KCTD8: variants seen among roughly 807,000 people sequenced by gnomAD.
KCTD8 encodes potassium channel tetramerization domain containing 8.
In KCTD8, 27 loss-of-function variants were observed where a neutral mutation model predicts 31.5. The observed-to-expected ratio is 0.86, with a 90% CI of 0.63 to 1.18. KCTD8 has a LOEUF of 1.18. KCTD8 is among the 50% of genes most tolerant of loss of function. The probability of loss-of-function intolerance (pLI) is 0.00; values close to 1 mark genes in which losing one functional copy is unlikely to be tolerated. For missense variants in KCTD8, 658 were observed against 647.7 expected, an observed-to-expected ratio of 1.02 and a Z score of -0.17; for synonymous variants, 290 against 280.0, an observed-to-expected ratio of 1.04 and a Z score of -0.36.
chr4:44,397,417 T>G (rs1407671031), intron 1 of KCTD8, among the ~76,000 whole-genome samples: 1 of 152,130 alleles, frequency 6.6e-6, no homozygotes, highest in East Asian at 1.9e-4. Flanking sequence ...AGATAGAAAG[T>G]GTTTGTGTAT....
intron 1 of KCTD8, among the ~76,000 whole-genome samples, chr4:44,319,929 TG>T (rs1247739009): frequency 6.6e-6 from 1 of 151,920 alleles, no homozygotes; most frequent in African/African-American, 2.4e-5. Flanking sequence ...CCCAGCACGT[TG>T]GGAGGCCAAG....
intron 1 of KCTD8, among the ~76,000 whole-genome samples, chr4:44,194,108 A>T (rs1218328871): frequency 6.6e-6 from 1 of 152,138 alleles, no homozygotes; most frequent in Non-Finnish European, 1.5e-5. Flanking sequence ...GTATGAGAAG[A>T]TACATTTAAG....
At chr4:44,436,220 G>A (rs1446779753) in intron 1 of KCTD8, among the ~76,000 whole-genome samples, 2 of 152,038 alleles carry the variant, frequency 1.3e-5, no homozygotes, top group Non-Finnish European at 2.9e-5. Context: ...ATATAGTCAT[G>A]GTCGAGTCAA....
At chr4:44,351,662 G>A (rs928119396) in intron 1 of KCTD8, among the ~76,000 whole-genome samples, 1 of 152,006 alleles carries the variant, frequency 6.6e-6, no homozygotes, top group Non-Finnish European at 1.5e-5. Context: ...CAACAATCTA[G>A]AAAATATCTT....
At chr4:44,251,735 T>C (rs1715840920) in intron 1 of KCTD8, among the ~76,000 whole-genome samples, 1 of 151,524 alleles carries the variant, frequency 6.6e-6, no homozygotes, top group Non-Finnish European at 1.5e-5. Flanking sequence ...TTATAGGTCT[T>C]GGAAGGTAAC....
intron 1 of KCTD8, among the ~76,000 whole-genome samples, chr4:44,277,281 T>G (rs1462675590): frequency 6.6e-6 from 1 of 151,800 alleles, no homozygotes; most frequent in Non-Finnish European, 1.5e-5. Context: ...TATATGAATA[T>G]CTCAAGCTTT....
intron 1 of KCTD8, among the ~76,000 whole-genome samples, chr4:44,349,476 G>A (rs547372685): frequency 2.6e-4 from 40 of 152,236 alleles, no homozygotes; most frequent in African/African-American, 7.0e-4. Flanking sequence ...CACCCTTGCC[G>A]TGTTCTGTCT....
intron 1 of KCTD8, among the ~76,000 whole-genome samples, chr4:44,206,551 C>G (rs1714314521): frequency 6.6e-6 from 1 of 152,072 alleles, no homozygotes; most frequent in Non-Finnish European, 1.5e-5. Flanking sequence ...ATCCAGTGAC[C>G]CAAGGGCTGC....
chr4:44,438,935 T>C (rs1004022337), intron 1 of KCTD8, among the ~76,000 whole-genome samples: 49 of 152,194 alleles, frequency 3.2e-4, no homozygotes, highest in Non-Finnish European at 7.4e-5. Context: ...AATACAATTG[T>C]TTCTCTCACT....
chr4:44,447,927 G>C lies in KCTD8; in HGVS notation c.597C>G (p.Gly199=). ...AGCCCGAGCGCTTGTCCTGCGCGCC[G>C]CCGCCGCCGCCACCACCGTGCGCTC... ...GPGAHGGGGG[G]GAQDKRSGFL... The change falls in exon 1 of 2, where the codon GGC becomes GGG. Residue 199 remains glycine (G), a synonymous_variant. Coordinates refer to ENST00000360029, the MANE Select transcript of KCTD8 (RefSeq NM_198353.3). 2 of 1,421,322 alleles carry C rather than the reference G, an allele frequency of 1.4e-6. No homozygotes were observed. Among genetic ancestry groups the C allele is most frequent in the Non-Finnish European group, 1.8e-6 (2 of 1,086,996 alleles). The allele number at this position is 1,421,322 out of a possible 1,614,324, so 88.0% of individuals were successfully genotyped here.
intron 1 of KCTD8, among the ~76,000 whole-genome samples, chr4:44,226,785 T>C (rs1373045465): frequency 1.3e-5 from 2 of 152,222 alleles, no homozygotes; most frequent in Non-Finnish European, 2.9e-5. Flanking sequence ...ATTTCTCTAA[T>C]GACCTGTGAT....
chr4:44,370,482 T>C (rs1406041746), intron 1 of KCTD8, among the ~76,000 whole-genome samples: 1 of 152,234 alleles, frequency 6.6e-6, no homozygotes, highest in African/African-American at 2.4e-5. Flanking sequence ...TGGCTGGCAC[T>C]GCTTTTGGTT....
chr4:44,204,112 T>C (rs1714232086), intron 1 of KCTD8, among the ~76,000 whole-genome samples: 1 of 152,014 alleles, frequency 6.6e-6, no homozygotes, highest in East Asian at 1.9e-4. Flanking sequence ...ATTACCACAA[T>C]AGTTCTAAAT....
chr4:44,380,946 G>A (rs1378767745), intron 1 of KCTD8, among the ~76,000 whole-genome samples: 1 of 151,922 alleles, frequency 6.6e-6, no homozygotes, highest in Non-Finnish European at 1.5e-5. Flanking sequence ...ATGAAGTCAT[G>A]TAATCTATTA....
chr4:44,362,246 T>C (rs1484867426), intron 1 of KCTD8, among the ~76,000 whole-genome samples: 1 of 152,160 alleles, frequency 6.6e-6, no homozygotes, highest in Non-Finnish European at 1.5e-5. Flanking sequence ...TTTTGGTTGA[T>C]TTTAGGTGCA....
chr4:44,253,004 G>C (rs1715887811), intron 1 of KCTD8, among the ~76,000 whole-genome samples: 1 of 151,650 alleles, frequency 6.6e-6, no homozygotes. Context: ...TTCACTGAAT[G>C]GCTGAAAATT....
intron 1 of KCTD8, among the ~76,000 whole-genome samples, chr4:44,249,145 T>C (rs889467109): frequency 1.3e-5 from 2 of 151,788 alleles, no homozygotes; most frequent in Non-Finnish European, 2.9e-5. Flanking sequence ...ACTAGGACTT[T>C]CATTAAATTT....
chr4:44,181,369 C>T (rs1385860258), intron 1 of KCTD8, among the ~76,000 whole-genome samples: 1 of 152,176 alleles, frequency 6.6e-6, no homozygotes, highest in African/African-American at 2.4e-5. Context: ...CCTCAGCCTG[C>T]CGAGTGCCTG....
chr4:44,424,626 C>T lies in KCTD8; in HGVS notation c.961+22937G>A, dbSNP rs1018243310. The stretch of plus-strand genomic sequence containing the variant: ...CAAAAAGTAAGTTTGGCAATTGTTT[C>T]AGACTTTAGCCCAGAAAAACTAAAC... On this transcript the variant is annotated intron_variant, in intron 1 of 1. Coordinates refer to ENST00000360029, the MANE Select transcript of KCTD8 (RefSeq NM_198353.3). Among the ~76,000 whole-genome samples, 9 of 151,976 alleles carry T rather than the reference C, an allele frequency of 5.9e-5. No individual in the cohort carries two copies. The East Asian group carries it at 1.7e-3, about 29-fold the overall frequency.
Sources: gnomAD v4.1 joint callset for allele counts (sites outside exome capture counted in the v4.1 genomes callset) on GRCh38, gnomAD v4.1.1 for gene constraint, MANE v1.5 for transcripts, NCBI Gene and HGNC (gene_info 2026-07-23, HGNC 2026-07-21) for gene names.